Variants in LIX1L observed in about 807,000 individuals in gnomAD.
The protein encoded by LIX1L is LIX1-like protein.
In LIX1L, 20 loss-of-function variants were observed where a neutral mutation model predicts 34.0. The observed-to-expected ratio is 0.59, with a 90% CI of 0.41 to 0.85. The LOEUF is 0.85. Among genes scored for constraint, LIX1L ranks in the 40% least tolerant of loss-of-function variants. The pLI is 0.00. For missense variants in LIX1L, 397 were observed against 447.0 expected (o/e 0.89, Z 1.01); for synonymous variants, 170 against 187.4 (o/e 0.91, Z 0.76).
chr1:145,949,289 C>T (rs191838862), intron 1 of LIX1L, among the ~76,000 whole-genome samples: 56 of 152,172 alleles, frequency 3.7e-4, no homozygotes, highest in African/African-American at 1.3e-3. Context: ...TGATAGATGT[C>T]GGCGTATCTG....
At chr1:145,941,397 C>T (rs1468606460) in intron 3 of LIX1L, among the ~76,000 whole-genome samples, 1 of 151,870 alleles carries the variant, frequency 6.6e-6, no homozygotes, top group Non-Finnish European at 1.5e-5. Context: ...GGATTACAGG[C>T]GCCCACCACT....
intron 1 of LIX1L, among the ~76,000 whole-genome samples, chr1:145,957,013 A>G (rs1649494922): frequency 6.6e-6 from 1 of 152,160 alleles, no homozygotes; most frequent in Non-Finnish European, 1.5e-5. Flanking sequence ...AAAGATACCA[A>G]AGTAAGGTAC....
Position 145,942,748 on chromosome 1 carries a change from C to G in LIX1L, c.562G>C (p.Glu188Gln). 6.2e-7 allele frequency: 1 copy of G among 1,614,120 alleles called. No homozygotes were observed. The highest frequency in any genetic ancestry group is 8.5e-7 in the Non-Finnish European group (1 of 1,179,992). ...PSRRITDEFI[E>Q]KSVSEALASF... is the part of the protein sequence containing the mutation. ...GCCAGGGCCTCAGAGACACTCTTCT[C>G]GATGAACTCATCAGTGATTCTTCGG... Residue 188 changes from glutamate to glutamine, a missense_variant, in exon 3 of 6, where the codon GAG (glutamate) becomes CAG (glutamine). Physicochemically the swap from Glu to Gln is conservative, Grantham distance 29 (BLOSUM62 2). This residue lies in a region of LIX1L where 174 missense variants were observed against 204.0 expected (regional missense o/e 0.85). Coordinates refer to ENST00000604000, the MANE Select transcript of LIX1L (RefSeq NM_153713.3).
chr1:145,955,032 G>A (rs782212244), intron 1 of LIX1L, among the ~76,000 whole-genome samples: 1 of 152,174 alleles, frequency 6.6e-6, no homozygotes, highest in Admixed American at 6.5e-5. Flanking sequence ...TGTAAACTGT[G>A]AGCTCCATCA....
Position 145,933,948 on chromosome 1 carries a change from A to T in LIX1L, c.*2362T>A, listed in dbSNP as rs1209459746. Reference sequence around the variant, plus strand: ...TTTCATCTTGCCCCTATCAAATCCAAAAGAGCCAATTATAGCCTGTTTCAT... The same window carrying T: ...TTTCATCTTGCCCCTATCAAATCCATAAGAGCCAATTATAGCCTGTTTCAT... On this transcript the variant is annotated 3_prime_UTR_variant, in exon 6 of 6. Transcript: ENST00000604000. 2.0e-5 allele frequency: 3 copies of T among 152,202 alleles called. No homozygotes were observed. The highest frequency in any genetic ancestry group is 4.4e-5 in the Non-Finnish European group (3 of 68,034). The allele number at this position is 152,202 out of a possible 1,614,324, so 9.4% of individuals were successfully genotyped here.
chr1:145,957,700 C>T lies in LIX1L; in HGVS notation c.228G>A (p.Val76=). ...LPPGAAGSPA[V]LREAVEAVVR... ...CCACGGCCTCCACGGCCTCTCGCAG[C>T]ACTGCCGGGCTGCCGGCGGCGCCGG... The change falls in exon 1 of 6, where the codon GTG becomes GTA. Residue 76 remains valine (V), a synonymous_variant. Transcript: ENST00000604000. The T allele has an allele frequency of 6.6e-7, 1 of 1,512,900 alleles. No individual in the cohort carries two copies. The highest frequency in any genetic ancestry group is 8.8e-7 in the Non-Finnish European group (1 of 1,136,388). The allele number at this position is 1,512,900 out of a possible 1,614,324, so 93.7% of individuals were successfully genotyped here.
chr1:145,939,066 TC>T (rs1648778373), intron 3 of LIX1L, among the ~76,000 whole-genome samples: 1 of 151,340 alleles, frequency 6.6e-6, no homozygotes, highest in Non-Finnish European at 1.5e-5. Flanking sequence ...AGCCTCAATC[TC>T]CCCAGGATCA....
chr1:145,945,560 A>T (rs1218989407), intron 2 of LIX1L, among the ~76,000 whole-genome samples: 3 of 151,730 alleles, frequency 2.0e-5, no homozygotes, highest in African/African-American at 7.3e-5. Flanking sequence ...CAGCCTGGCC[A>T]ACATGGCGAA....
intron 2 of LIX1L, among the ~76,000 whole-genome samples, chr1:145,944,925 G>A (rs1649046086): frequency 6.6e-6 from 1 of 152,070 alleles, no homozygotes; most frequent in African/African-American, 2.4e-5. Context: ...CTATTCAGGA[G>A]GCTGAGGTGG....
chr1:145,943,782 T>A (rs1241099027), intron 2 of LIX1L, among the ~76,000 whole-genome samples: 1 of 151,750 alleles, frequency 6.6e-6, no homozygotes, highest in Non-Finnish European at 1.5e-5. Context: ...ACACCTGTAA[T>A]CCCAGCACTT....
chr1:145,957,969 G>A lies in LIX1L; in HGVS notation c.-42C>T. ...GTAGCGCCCCGGAGCCTGCCAGCCT[G>A]CCGAGCTAACGGTCCCAACCACCCC... On this transcript the variant is annotated 5_prime_UTR_variant, in exon 1 of 6. Coordinates refer to ENST00000604000, the MANE Select transcript of LIX1L (RefSeq NM_153713.3). 1 of 1,366,196 alleles carries A rather than the reference G, an allele frequency of 7.3e-7. No homozygotes were observed. The highest frequency in any genetic ancestry group is 9.6e-7 in the Non-Finnish European group (1 of 1,044,810). The allele number at this position is 1,366,196 out of a possible 1,614,324, so 84.6% of individuals were successfully genotyped here. A position where few individuals can be genotyped will look rare whatever the true frequency, so the allele number is the denominator to read the frequency against.
intron 2 of LIX1L, 169 bp downstream of exon 2, chr1:145,947,450 G>A: frequency 1.5e-6 from 1 of 669,116 alleles, no homozygotes; most frequent in South Asian, 2.0e-5. Flanking sequence ...TGCTACTGAG[G>A]TTCTACTATG....
At chr1:145,957,508 C>A (rs1649517374) in intron 1 of LIX1L, 128 bp downstream of exon 1, 1 of 1,273,572 alleles carries the variant, frequency 7.9e-7, no homozygotes, top group South Asian at 2.1e-5. Context: ...TGTGCGTAGC[C>A]CAGAAGGAAA....
chr1:145,944,078 T>TCC (rs1649018228), intron 2 of LIX1L, among the ~76,000 whole-genome samples: 5 of 147,076 alleles, frequency 3.4e-5, no homozygotes, highest in African/African-American at 1.0e-4. Flanking sequence ...GACCAGGGGT[T>TCC]GGGCATGGTG....
At chr1:145,946,799 G>T (rs1260780078) in intron 2 of LIX1L, among the ~76,000 whole-genome samples, 1 of 152,054 alleles carries the variant, frequency 6.6e-6, no homozygotes, top group Admixed American at 6.6e-5. Context: ...CACACAGTAG[G>T]GCCTTTAACC....
intron 5 of LIX1L, 47 bp downstream of exon 5, chr1:145,936,861 G>C: frequency 7.9e-7 from 1 of 1,266,856 alleles, no homozygotes; most frequent in Non-Finnish European, 1.2e-6. Flanking sequence ...AGAGTCCACT[G>C]ACAGATTGTG....
Position 145,936,898 on chromosome 1 carries a change from A to G in LIX1L, c.771+10T>C. 1.3e-6 allele frequency: 2 copies of G among 1,597,294 alleles called. No homozygotes were observed. Among genetic ancestry groups the G allele is most frequent in the East Asian group, 2.2e-5 (1 of 44,766 alleles). ...TCCCCTCATTCGCCCCCACTCATAA[A>G]ATCTCTTACCTGCCGAGAGCATTGT... On this transcript the variant is annotated intron_variant, in intron 5 of 5. Transcript: ENST00000604000.
intron 3 of LIX1L, among the ~76,000 whole-genome samples, chr1:145,938,651 G>A (rs1224693378): frequency 1.3e-5 from 2 of 151,488 alleles, no homozygotes; most frequent in South Asian, 2.1e-4. Flanking sequence ...GCAGTGGTGC[G>A]ATCTCGGCTC....
In LIX1L at chr1:145,934,244, G is replaced by A. The variant is rs1648533616; in HGVS notation, c.*2066C>T. On this transcript the variant is annotated 3_prime_UTR_variant, in exon 6 of 6. Transcript: ENST00000604000. ...GTACTACAGGTTATTTCTCTCTTAT[G>A]TCACCCAGGAGAGAAGTGGGGGAGA... The A allele has an allele frequency of 6.6e-6, 1 of 152,206 alleles. No homozygotes were observed. Among genetic ancestry groups the A allele is most frequent in the South Asian group, 2.1e-4 (1 of 4,822 alleles). The allele number at this position is 152,206 out of a possible 1,614,324, so 9.4% of individuals were successfully genotyped here. A position where few individuals can be genotyped will look rare whatever the true frequency, so the allele number is the denominator to read the frequency against.
Sources: allele counts gnomAD v4.1 joint callset (sites outside exome capture counted in the v4.1 genomes callset), GRCh38; gene constraint gnomAD v4.1.1; regional missense constraint gnomAD v4.1.1; transcripts MANE v1.5; gene names NCBI Gene and HGNC (gene_info 2026-07-23, HGNC 2026-07-21).